Variants in ZNF385B observed in about 807,000 individuals in gnomAD.
ZNF385B encodes zinc finger protein 533.
In ZNF385B, 23 loss-of-function variants were observed where a neutral mutation model predicts 39.2. The ratio of observed to expected loss-of-function variants is 0.59; its 90% CI spans 0.42 to 0.83. ZNF385B has a LOEUF of 0.83. ZNF385B is among the 40% of genes least tolerant of loss of function. The pLI, the probability that ZNF385B is intolerant of heterozygous loss-of-function variation, is 0.00. For synonymous variants in ZNF385B, 205 were observed against 222.6 expected (o/e 0.92, Z 0.70); for missense variants, 552 against 598.9 (o/e 0.92, Z 0.82).
chr2:179,517,404 A>G (rs1559386109), intron 5 of ZNF385B, among the ~76,000 whole-genome samples: 1 of 151,972 alleles, frequency 6.6e-6, no homozygotes, highest in East Asian at 1.9e-4. Flanking sequence ...TTATTTAGGT[A>G]CATTTTGATT....
At chr2:179,667,606 C>T (rs1043249949) in intron 3 of ZNF385B, among the ~76,000 whole-genome samples, 10 of 152,146 alleles carry the variant, frequency 6.6e-5, no homozygotes, top group Admixed American at 2.6e-4. Context: ...TGGTTCAAAA[C>T]GATGTGCTAA....
intron 1 of ZNF385B, among the ~76,000 whole-genome samples, chr2:179,847,253 C>A (rs989207414): frequency 6.6e-6 from 1 of 152,186 alleles, no homozygotes; most frequent in Non-Finnish European, 1.5e-5. Context: ...GGTCCCCACA[C>A]TATACCCTGC....
intron 1 of ZNF385B, among the ~76,000 whole-genome samples, chr2:179,835,396 A>C (rs1290361218): frequency 6.6e-6 from 1 of 152,180 alleles, no homozygotes; most frequent in African/African-American, 2.4e-5. Context: ...GACACTTTTT[A>C]TATGTTCTGG....
rs112773617 is a variant in ZNF385B at position 179,697,737 on chromosome 2, A to G, written c.298+71766T>C. On this transcript the variant is annotated intron_variant, in intron 3 of 9. Transcript: ENST00000410066. ...TCCTTTTTTTTGGTAAATGGAAACG[A>G]AATTTGTAAATGTGGGAATTGTACA... is the stretch of plus-strand genomic sequence containing the variant. 6.7e-3 allele frequency among the ~76,000 whole-genome samples: 1,018 copies of G among 152,312 alleles called. 12 individuals carry two copies. The highest frequency in any genetic ancestry group is 0.023 in the African/African-American group (974 of 41,566).
chr2:179,505,162 G>A (rs540935661), intron 5 of ZNF385B, among the ~76,000 whole-genome samples: 7 of 152,212 alleles, frequency 4.6e-5, no homozygotes, highest in South Asian at 2.1e-4. Context: ...TATCTTGACC[G>A]TGGCAGAGGT....
chr2:179,716,335 A>G (rs1466568941), intron 3 of ZNF385B, among the ~76,000 whole-genome samples: 2 of 152,200 alleles, frequency 1.3e-5, no homozygotes, highest in Non-Finnish European at 2.9e-5. Context: ...GTGAAGAAAT[A>G]TGTCTTCAAT....
intron 6 of ZNF385B, among the ~76,000 whole-genome samples, chr2:179,461,121 G>C (rs138953455): frequency 2.6e-5 from 4 of 152,318 alleles, no homozygotes; most frequent in African/African-American, 9.6e-5. Context: ...GAAAGTCAGT[G>C]AGACTGGGGT....
In ZNF385B at chr2:179,463,063, CAG is replaced by C. The variant is rs537782194; in HGVS notation, c.716-16295_716-16294del. 4.6e-5 allele frequency among the ~76,000 whole-genome samples: 7 copies of C among 151,938 alleles called. No homozygotes were observed. In the South Asian group the frequency reaches 1.2e-3, roughly 27 times the overall value. On this transcript the variant is annotated intron_variant, in intron 6 of 9. Transcript: ENST00000410066. ...CCTCAGAAGAGGTCAATAAATAAAA[CAG>C]GGAGAAATGATTATATAAAGACATG...
At chr2:179,770,733 A>C (rs963430396) in intron 1 of ZNF385B, 61 bp from the exon 2 acceptor site, 20 of 152,244 alleles carry the variant, frequency 1.3e-4, no homozygotes, top group Admixed American at 6.5e-5. Flanking sequence ...ATGAAATAGA[A>C]TAAGAAATAA....
intron 4 of ZNF385B, among the ~76,000 whole-genome samples, chr2:179,520,300 TAA>T (rs1475000389): frequency 6.6e-6 from 1 of 152,084 alleles, no homozygotes; most frequent in Non-Finnish European, 1.5e-5. Context: ...TTATATATTA[TAA>T]TTTAATAAGT....
chr2:179,569,584 C>T (rs1051321825), intron 3 of ZNF385B, among the ~76,000 whole-genome samples: 1 of 152,062 alleles, frequency 6.6e-6, no homozygotes, highest in Non-Finnish European at 1.5e-5. Flanking sequence ...GACTTGAAAC[C>T]AAAAATGTAT....
chr2:179,745,605 T>A, intron 3 of ZNF385B: 1 of 970,194 alleles, frequency 1.0e-6, no homozygotes, highest in Non-Finnish European at 1.4e-6. Flanking sequence ...GTCAGCACAA[T>A]GTGATAAACA....
At chr2:179,763,162 C>A (rs1309619469) in intron 3 of ZNF385B, among the ~76,000 whole-genome samples, 11 of 152,276 alleles carry the variant, frequency 7.2e-5, no homozygotes, top group Non-Finnish European at 1.5e-5. Flanking sequence ...CCTCAGCCTC[C>A]CAAAGTGCTG....
chr2:179,818,702 G>A (rs111588573), intron 1 of ZNF385B, among the ~76,000 whole-genome samples: 5 of 152,260 alleles, frequency 3.3e-5, no homozygotes, highest in African/African-American at 1.2e-4. Flanking sequence ...CGGTCAGTTC[G>A]TTCGGCCTCA....
intron 6 of ZNF385B, among the ~76,000 whole-genome samples, chr2:179,482,944 C>CTAAATAAAATA (rs2054157764): frequency 6.6e-6 from 1 of 151,738 alleles, no homozygotes; most frequent in African/African-American, 2.4e-5. Context: ...GTAATAAGCT[C>CTAAATAAAATA]AGTATTTTAG....
intron 3 of ZNF385B, among the ~76,000 whole-genome samples, chr2:179,680,042 T>C (rs999815225): frequency 2.6e-5 from 4 of 152,204 alleles, no homozygotes; most frequent in African/African-American, 9.7e-5. Flanking sequence ...GAAATAATTA[T>C]AAAATTTGTA....
intron 1 of ZNF385B, among the ~76,000 whole-genome samples, chr2:179,831,591 A>C (rs1441169231): frequency 6.6e-6 from 1 of 152,198 alleles, no homozygotes; most frequent in African/African-American, 2.4e-5. Context: ...AAATACGTGC[A>C]TCAAATGAAA....
At chr2:179,457,153 G>C (rs1233718162) in intron 6 of ZNF385B, among the ~76,000 whole-genome samples, 4 of 151,904 alleles carry the variant, frequency 2.6e-5, no homozygotes, top group African/African-American at 9.7e-5. Context: ...TTTTGTGTCT[G>C]GCTTCTTTCA....
intron 3 of ZNF385B, among the ~76,000 whole-genome samples, chr2:179,747,378 A>G (rs1475286071): frequency 1.3e-5 from 2 of 152,112 alleles, no homozygotes; most frequent in Non-Finnish European, 2.9e-5. Flanking sequence ...TATGCCATTG[A>G]ACACAATTGC....
Sources: allele counts gnomAD v4.1 joint callset (sites outside exome capture counted in the v4.1 genomes callset), GRCh38; gene constraint gnomAD v4.1.1; transcripts MANE v1.5; gene names NCBI Gene and HGNC (gene_info 2026-07-23, HGNC 2026-07-21).